Variants in MYCBP2 observed in about 807,000 individuals in gnomAD.
The protein encoded by MYCBP2 is E3 ubiquitin-protein ligase MYCBP2.
A neutral mutation model predicts 525.3 loss-of-function variants in MYCBP2; 120 were observed. The observed-to-expected ratio is 0.23, with a 90% CI of 0.20 to 0.27. The LOEUF is 0.27. Ranked by LOEUF, MYCBP2 falls within the 10% of genes least tolerant of loss-of-function variation. The pLI, the probability that MYCBP2 is intolerant of heterozygous loss-of-function variation, is 1.00. For missense variants in MYCBP2, 4,149 were observed against 5,657.1 expected (o/e 0.73, Z 8.55); for synonymous variants, 1,894 against 1,955.8 (o/e 0.97, Z 0.83).
chr13:77,191,463 C>T (rs1281510305), intron 28 of MYCBP2, among the ~76,000 whole-genome samples: 1 of 152,026 alleles, frequency 6.6e-6, no homozygotes, highest in Non-Finnish European at 1.5e-5. Flanking sequence ...ATACAAATAC[C>T]ATCTGACAGG....
intron 21 of MYCBP2, among the ~76,000 whole-genome samples, 168 bp downstream of exon 21, chr13:77,217,672 A>T (rs952089596): frequency 6.6e-6 from 1 of 152,158 alleles, no homozygotes; most frequent in Non-Finnish European, 1.5e-5. Flanking sequence ...TTCAAAGAAT[A>T]TCATTCAGGT....
intron 36 of MYCBP2, 151 bp downstream of exon 36, chr13:77,176,346 G>T: frequency 1.9e-6 from 1 of 512,970 alleles, no homozygotes; most frequent in South Asian, 7.6e-5. Flanking sequence ...CATTAGGTAC[G>T]TAGTAGGTAC....
intron 55 of MYCBP2, among the ~76,000 whole-genome samples, chr13:77,103,807 T>C (rs1397946646): frequency 6.6e-6 from 1 of 152,060 alleles, no homozygotes; most frequent in Non-Finnish European, 1.5e-5. Flanking sequence ...GGTGACACTG[T>C]GTTTGGCTAC....
At position 77,090,171 on chromosome 13, in the gene MYCBP2, T is replaced by C; in HGVS notation, c.10460A>G (p.Gln3487Arg). The change falls in exon 60 of 83, where the codon CAA becomes CGA. Residue 3487 changes from glutamine to arginine, a missense_variant. By Grantham distance (43) the Gln-to-Arg change is conservative. Around this residue, in one of 21 missense-constraint regions of MYCBP2, gnomAD observed 509 missense variants for 789.4 expected, o/e 0.64. Coordinates refer to ENST00000544440, the MANE Select transcript of MYCBP2 (RefSeq NM_015057.5). ...AACTCGTGCAGGTAAAATGGAGTGT[T>C]GTTTATCATATTCGGAAGCAACAAC... ...YSVVASEYDK[Q>R]HSILPARVKA... is the part of the protein sequence containing the mutation. 1 of 1,612,910 alleles carries C rather than the reference T, an allele frequency of 6.2e-7. No individual in the cohort carries two copies. Among genetic ancestry groups the C allele is most frequent in the Non-Finnish European group, 8.5e-7 (1 of 1,179,302 alleles).
Position 77,199,407 on chromosome 13 carries a change from G to A in MYCBP2, c.3844-5163C>T, listed in dbSNP as rs202233048. Among the ~76,000 whole-genome samples the A allele has an allele frequency of 1.4e-4, 21 of 152,114 alleles. No individual in the cohort carries two copies. In the East Asian group the frequency reaches 2.5e-3, roughly 18 times the overall value. Reference sequence around the variant, plus strand: ...GAGGGTCCTACGCTCATGGAGTCTCGCTGATTGCTAGCACAGCAGTCTGAG... The same window carrying A: ...GAGGGTCCTACGCTCATGGAGTCTCACTGATTGCTAGCACAGCAGTCTGAG... On this transcript the variant is annotated intron_variant, in intron 26 of 82. Transcript: ENST00000544440.
chr13:77,196,776 T>C (rs940999081), intron 26 of MYCBP2, among the ~76,000 whole-genome samples: 1 of 152,084 alleles, frequency 6.6e-6, no homozygotes, highest in Non-Finnish European at 1.5e-5. Context: ...AAAATGCCTA[T>C]CAGAGAGTCA....
chr13:77,302,317 T>G (rs1014880093), intron 1 of MYCBP2, among the ~76,000 whole-genome samples: 1 of 146,326 alleles, frequency 6.8e-6, no homozygotes, highest in South Asian at 2.1e-4. Flanking sequence ...AGAGAAGAGA[T>G]ATGCTTAAAG....
chr13:77,053,662 C>G (rs935269622), intron 80 of MYCBP2, among the ~76,000 whole-genome samples: 18 of 152,202 alleles, frequency 1.2e-4, no homozygotes, highest in Non-Finnish European at 2.5e-4. Context: ...ATGAAACACA[C>G]AGAAATACTA....
chr13:77,211,790 T>C (rs1413545783), intron 22 of MYCBP2, among the ~76,000 whole-genome samples, 166 bp downstream of exon 22: 2 of 152,210 alleles, frequency 1.3e-5, no homozygotes, highest in Non-Finnish European at 2.9e-5. Flanking sequence ...TCTTTCAGCA[T>C]AGAGACACAT....
At chr13:77,236,835 C>A (rs1170488480) in intron 17 of MYCBP2, among the ~76,000 whole-genome samples, 4 of 151,752 alleles carry the variant, frequency 2.6e-5, no homozygotes, top group African/African-American at 4.8e-5. Context: ...TTGTTCGAGG[C>A]CAGCCTGGGC....
At chr13:77,310,459 T>C (rs2080045894) in intron 1 of MYCBP2, among the ~76,000 whole-genome samples, 1 of 152,178 alleles carries the variant, frequency 6.6e-6, no homozygotes, top group African/African-American at 2.4e-5. Flanking sequence ...TTTATATATA[T>C]TGTCTGTGGT....
chr13:77,057,095 TTAAA>T lies in MYCBP2; in HGVS notation c.13330-6_13330-3del. The T allele has an allele frequency of 1.2e-6, 2 of 1,602,886 alleles. No homozygotes were observed. Among genetic ancestry groups the T allele is most frequent in the Non-Finnish European group, 1.7e-6 (2 of 1,170,278 alleles). On this transcript the variant is annotated splice_polypyrimidine_tract_variant and splice_region_variant and intron_variant, in intron 78 of 82. Coordinates refer to ENST00000544440, the MANE Select transcript of MYCBP2 (RefSeq NM_015057.5). Reference sequence around the variant, plus strand: ...GTGGAATATGTGACTACAATCCAGCTTAAATAAACAAAAGAAAAGGACATAAGCA... The same window carrying T: ...GTGGAATATGTGACTACAATCCAGCTTAAACAAAAGAAAAGGACATAAGCA...
intron 55 of MYCBP2, among the ~76,000 whole-genome samples, chr13:77,111,208 TGTCA>T (rs2048762509): frequency 6.6e-6 from 1 of 152,164 alleles, no homozygotes; most frequent in Non-Finnish European, 1.5e-5. Flanking sequence ...ATTTTCAACT[TGTCA>T]GTCAACAATG....
intron 26 of MYCBP2, 35 bp downstream of exon 26, chr13:77,205,221 A>T (rs2063190920): frequency 1.3e-6 from 2 of 1,486,882 alleles, no homozygotes; most frequent in African/African-American, 2.8e-5. Flanking sequence ...CAGTATGTTC[A>T]AACAAAAAAG....
chr13:77,324,464 A>T (rs1380515350), intron 1 of MYCBP2, among the ~76,000 whole-genome samples: 1 of 152,244 alleles, frequency 6.6e-6, no homozygotes, highest in Non-Finnish European at 1.5e-5. Context: ...ATCTTTAATA[A>T]GAAATGTGAT....
rs77162960 is a variant in MYCBP2, at chr13:77,108,158, T to C, written c.8141-9145A>G. Among the ~76,000 whole-genome samples, 494 of 152,276 alleles carry C rather than the reference T, an allele frequency of 3.2e-3. 3 individuals carry two copies. Among genetic ancestry groups the C allele is most frequent in the African/African-American group, 0.011 (472 of 41,566 alleles). On this transcript the variant is annotated intron_variant, in intron 55 of 82. Transcript: ENST00000544440. ...ATGACATTAATCCACATGATCTGAATGTGGAAAGAAGATGGGACACATAAA... is the reference window on the plus strand; with the variant it reads ...ATGACATTAATCCACATGATCTGAACGTGGAAAGAAGATGGGACACATAAA...
intron 2 of MYCBP2, among the ~76,000 whole-genome samples, chr13:77,291,583 C>T (rs1190840391): frequency 3.3e-5 from 5 of 152,182 alleles, no homozygotes; most frequent in Admixed American, 1.3e-4. Flanking sequence ...CCAGCCTCCA[C>T]ATGGAGAAAC....
intron 55 of MYCBP2, among the ~76,000 whole-genome samples, chr13:77,112,969 A>G (rs747644462): frequency 6.6e-6 from 1 of 151,910 alleles, no homozygotes; most frequent in Non-Finnish European, 1.5e-5. Flanking sequence ...ATTGTCTCCA[A>G]TTTCTCCTTC....
intron 6 of MYCBP2, 25 bp downstream of exon 6, chr13:77,270,271 A>T: frequency 1.9e-6 from 3 of 1,586,388 alleles, no homozygotes; most frequent in Non-Finnish European, 2.6e-6. Flanking sequence ...CTGTATAATT[A>T]AGGAACTGTA....
Sources: gnomAD v4.1 joint callset for allele counts (sites outside exome capture counted in the v4.1 genomes callset) on GRCh38, gnomAD v4.1.1 for gene constraint, gnomAD v4.1.1 regional missense constraint, MANE v1.5 for transcripts, NCBI Gene and HGNC (gene_info 2026-07-23, HGNC 2026-07-21) for gene names.